Variants in CRACR2A observed in about 807,000 individuals in gnomAD.
CRACR2A encodes the protein EF-hand calcium-binding domain-containing protein 4B.
A neutral mutation model predicts 90.5 loss-of-function variants in CRACR2A; 79 were observed. The observed-to-expected ratio is 0.87, with a 90% CI of 0.73 to 1.05. The LOEUF (loss-of-function observed/expected upper bound fraction) is 1.05, where lower values mean the gene tolerates loss of function less well. CRACR2A is among the 50% of genes least tolerant of loss of function. The pLI is 0.00. For synonymous variants in CRACR2A, 338 were observed against 356.7 expected (o/e 0.95, Z 0.59); for missense variants, 823 against 897.2 (o/e 0.92, Z 1.06).
At position 3,638,320 on chromosome 12, in the gene CRACR2A, C is replaced by A. The variant is rs373216321; in HGVS notation, c.1406G>T (p.Arg469Leu). 1.9e-6 allele frequency: 3 copies of A among 1,551,186 alleles called. No individual in the cohort carries two copies. The highest frequency in any genetic ancestry group is 2.6e-6 in the Non-Finnish European group (3 of 1,146,596). Residue 469 changes from arginine to leucine, a missense_variant, in exon 14 of 20, where the codon CGC becomes CTC. Arg to Leu is a moderately radical substitution (Grantham distance 102). Transcript: ENST00000440314. ...GPGGPYPRPL[R>L]RIISVEEDPL... Reference sequence around the variant, plus strand: ...GTCTTCTTCAACGGAGATGATTCTGCGGAGCGGCCGGGGGTACGGACCCCC... The same window carrying A: ...GTCTTCTTCAACGGAGATGATTCTGAGGAGCGGCCGGGGGTACGGACCCCC...
chr12:3,721,314 G>A (rs1156678966), intron 2 of CRACR2A, among the ~76,000 whole-genome samples: 11 of 147,542 alleles, frequency 7.5e-5, no homozygotes, highest in African/African-American at 7.6e-5. Context: ...CAAGAGGGTC[G>A]CTTGAGCCCA....
chr12:3,678,400 T>C (rs242021), intron 6 of CRACR2A, among the ~76,000 whole-genome samples: 40,289 of 152,112 alleles, frequency 0.26, 5,569 homozygotes, highest in Admixed American at 0.32. Flanking sequence ...TTGCCGAGGA[T>C]ACCGTGTGCA....
At chr12:3,731,253 C>T (rs1255359843) in intron 2 of CRACR2A, 1 of 152,344 alleles carries the variant, frequency 6.6e-6, no homozygotes, top group Non-Finnish European at 1.5e-5. Context: ...ACTCAACTTC[C>T]CGGGAAACTG....
At chr12:3,671,199 A>G (rs1182729486) in intron 7 of CRACR2A, among the ~76,000 whole-genome samples, 2 of 152,262 alleles carry the variant, frequency 1.3e-5, no homozygotes, top group East Asian at 3.9e-4. Context: ...ATGCCAGGCT[A>G]AGGCTGGGTA....
At chr12:3,644,773 T>G in intron 11 of CRACR2A, 133 bp from the exon 12 acceptor site, 4 of 777,212 alleles carry the variant, frequency 5.1e-6, no homozygotes, top group Non-Finnish European at 9.0e-6. Flanking sequence ...TGGAATCTCC[T>G]TCCATAGGGA....
At chr12:3,625,001 C>T (rs1386816097) in intron 17 of CRACR2A, among the ~76,000 whole-genome samples, 1 of 152,142 alleles carries the variant, frequency 6.6e-6, no homozygotes, top group Non-Finnish European at 1.5e-5. Flanking sequence ...GGCCTCTGTT[C>T]CCTTTAAAAG....
chr12:3,648,101 G>A lies in CRACR2A; in HGVS notation c.1118+441C>T, dbSNP rs10848899. The A allele has an allele frequency of 0.24, 239,625 of 999,996 alleles. 29,527 individuals carry two copies. Among genetic ancestry groups the A allele is most frequent in the East Asian group, 0.45 (4,441 of 9,790 alleles). The allele number at this position is 999,996 out of a possible 1,614,324, so 61.9% of individuals were successfully genotyped here. ...GGCCCCATCAGAGAGTAGCTGTGTC[G>A]CCTGTGGTAAATTACTTCTTTCCTC... is the stretch of plus-strand genomic sequence containing the variant. On this transcript the variant is annotated intron_variant, in intron 11 of 19. Coordinates refer to ENST00000440314, the MANE Select transcript of CRACR2A (RefSeq NM_001144958.2).
Position 3,659,629 on chromosome 12 carries a change from TTTC to T in CRACR2A, c.694_696del (p.Glu232del), listed in dbSNP as rs1474269015. 6.2e-7 allele frequency: 1 copy of T among 1,614,170 alleles called. No homozygotes were observed. The highest frequency in any genetic ancestry group is 2.2e-5 in the East Asian group (1 of 44,882). ...TCCATCTCCTCATAGAGATGCTGGA[TTTC>T]TTCATCATAAGCAGCAATTTTCCTA... On this transcript the variant is annotated inframe_deletion, in exon 8 of 20. Transcript: ENST00000440314.
chr12:3,621,076 C>A (rs1565460111), intron 17 of CRACR2A, among the ~76,000 whole-genome samples: 1 of 152,170 alleles, frequency 6.6e-6, no homozygotes, highest in Non-Finnish European at 1.5e-5. Context: ...AAGCGGCTTG[C>A]TGTTTAGAGC....
rs535629709 is a variant in CRACR2A at position 3,634,107 on chromosome 12, C to T, written c.1603-371G>A. Reference sequence around the variant, plus strand: ...CGGGGCACAGAGGAGGGGATCTGAGCGGTGGCTTCAAGAGGGGGCAGGAAT... The same window carrying T: ...CGGGGCACAGAGGAGGGGATCTGAGTGGTGGCTTCAAGAGGGGGCAGGAAT... On this transcript the variant is annotated intron_variant, in intron 14 of 19. Transcript: ENST00000440314. Among the ~76,000 whole-genome samples the T allele has an allele frequency of 6.6e-5, 10 of 152,124 alleles. No individual in the cohort carries two copies. The East Asian group carries it at 9.7e-4, about 15-fold the overall frequency.
intron 12 of CRACR2A, among the ~76,000 whole-genome samples, chr12:3,644,049 C>CATAT (rs71441831): frequency 0.18 from 23,962 of 133,128 alleles, 2,621 homozygotes; most frequent in East Asian, 0.37. Flanking sequence ...TTCTACGACT[C>CATAT]ATATATATAT....
At chr12:3,625,301 TG>T (rs1233708526) in intron 17 of CRACR2A, among the ~76,000 whole-genome samples, 5 of 152,114 alleles carry the variant, frequency 3.3e-5, no homozygotes, top group Non-Finnish European at 7.4e-5. Context: ...ATGACTAAAC[TG>T]ATGCTTCAAG....
At chr12:3,622,439 C>T (rs1944166151) in intron 17 of CRACR2A, among the ~76,000 whole-genome samples, 1 of 152,204 alleles carries the variant, frequency 6.6e-6, no homozygotes, top group Non-Finnish European at 1.5e-5. Context: ...TAACAGAGAG[C>T]CTTCCCTCCA....
chr12:3,630,663 G>A (rs146654687), intron 15 of CRACR2A, among the ~76,000 whole-genome samples: 54 of 152,316 alleles, frequency 3.5e-4, no homozygotes, highest in African/African-American at 1.3e-3. Context: ...ACTTAAACAT[G>A]AGAGGATGTA....
intron 3 of CRACR2A, among the ~76,000 whole-genome samples, chr12:3,708,705 G>A (rs577929196): frequency 1.2e-4 from 18 of 152,314 alleles, no homozygotes; most frequent in African/African-American, 4.3e-4. Context: ...GATTACAGGC[G>A]TGAGCCATCA....
chr12:3,648,730 C>A (rs865909926), intron 10 of CRACR2A, 117 bp from the exon 11 acceptor site: 1 of 1,411,512 alleles, frequency 7.1e-7, no homozygotes, highest in Admixed American at 2.3e-5. Context: ...ATTGGAGGAA[C>A]GTGGCCTCCT....
chr12:3,725,045 C>T lies in CRACR2A; in HGVS notation c.-118+7897G>A, dbSNP rs538350160. Among the ~76,000 whole-genome samples the T allele has an allele frequency of 1.2e-4, 18 of 152,254 alleles. No individual in the cohort carries two copies. The East Asian group carries it at 2.5e-3, about 21-fold the overall frequency. On this transcript the variant is annotated intron_variant, in intron 2 of 19. Transcript: ENST00000440314. ...CTCCACAGAATCAGTGCCCGCTCCC[C>T]CTGGACAGTCGCTGTCCTATAATAG...
intron 1 of CRACR2A, among the ~76,000 whole-genome samples, chr12:3,737,547 G>T (rs997191258): frequency 6.6e-6 from 1 of 152,198 alleles, no homozygotes; most frequent in Admixed American, 6.5e-5. Context: ...TGGATACATG[G>T]AGGCTGGTTG....
At chr12:3,729,203 C>T (rs1330178029) in intron 2 of CRACR2A, 2 of 152,208 alleles carry the variant, frequency 1.3e-5, no homozygotes, top group Non-Finnish European at 2.9e-5. Context: ...GCCAATTCCA[C>T]TCTATGAAAT....
Sources: gnomAD v4.1 joint callset for allele counts (sites outside exome capture counted in the v4.1 genomes callset) on GRCh38, gnomAD v4.1.1 for gene constraint, MANE v1.5 for transcripts, NCBI Gene and HGNC (gene_info 2026-07-23, HGNC 2026-07-21) for gene names.